The following PDE10A variants were observed in gnomAD, a reference collection of about 807,000 sequenced individuals.
PDE10A encodes cAMP and cAMP-inhibited cGMP 3',5'-cyclic phosphodiesterase 10A.
Under a neutral mutation model 97.7 loss-of-function variants are expected in PDE10A, and 39 were observed. The ratio of observed to expected loss-of-function variants is 0.40; its 90% CI spans 0.31 to 0.52. The LOEUF is 0.52. Among genes scored for constraint, PDE10A ranks in the 20% least tolerant of loss-of-function variants. The probability of loss-of-function intolerance (pLI) is 0.56; values close to 1 mark genes in which losing one functional copy is unlikely to be tolerated. For synonymous variants in PDE10A, 371 were observed against 376.8 expected (o/e 0.98, Z 0.18); for missense variants, 731 against 1,047.8 (o/e 0.70, Z 4.17).
Position 165,413,411 on chromosome 6 carries a change from G to A in PDE10A, c.2076+90C>T, listed in dbSNP as rs200602820. 6.9e-3 allele frequency: 2,568 copies of A among 372,186 alleles called. 1 individual carries two copies. Among genetic ancestry groups the A allele is most frequent in the Non-Finnish European group, 8.3e-3 (1,887 of 226,724 alleles). The allele number at this position is 372,186 out of a possible 1,614,324, so 23.1% of individuals were successfully genotyped here. ...CCTGGTTTGTAAAGGAAATATAAAT[G>A]AAAAAAAAAAAGCCCTTAAGCTGCT... On this transcript the variant is annotated intron_variant, in intron 13 of 21. Coordinates refer to ENST00000539869, the MANE Select transcript of PDE10A (RefSeq NM_001385079.1).
chr6:165,475,831 A>C (rs923829191), intron 3 of PDE10A, among the ~76,000 whole-genome samples: 6 of 152,228 alleles, frequency 3.9e-5, no homozygotes, highest in Non-Finnish European at 5.9e-5. Flanking sequence ...GCTGGGTTAA[A>C]AGGAAAACAA....
At chr6:165,495,936 C>T (rs1780509442) in intron 2 of PDE10A, among the ~76,000 whole-genome samples, 2 of 152,076 alleles carry the variant, frequency 1.3e-5, no homozygotes, top group Non-Finnish European at 2.9e-5. Context: ...TGTCAATAAA[C>T]TTGATAAATA....
chr6:165,374,082 G>A (rs994053487), intron 18 of PDE10A, among the ~76,000 whole-genome samples: 1 of 116,138 alleles, frequency 8.6e-6, no homozygotes, highest in South Asian at 3.6e-4. Context: ...GACTGTTGTG[G>A]GGTGGGGGGA....
intron 1 of PDE10A, among the ~76,000 whole-genome samples, chr6:165,920,569 CTT>C: frequency 1.3e-5 from 2 of 151,676 alleles, no homozygotes; most frequent in South Asian, 4.2e-4. Flanking sequence ...CACACACACA[CTT>C]ACACATACCT....
At chr6:165,339,479 G>T in intron 19 of PDE10A, 121 bp from the exon 20 acceptor site, 1 of 669,930 alleles carries the variant, frequency 1.5e-6, no homozygotes, top group Non-Finnish European at 2.6e-6. Context: ...GTTTGTGGTT[G>T]TTAACCCAAG....
chr6:165,401,090 T>G (rs1786624651), intron 13 of PDE10A, among the ~76,000 whole-genome samples: 1 of 152,166 alleles, frequency 6.6e-6, no homozygotes, highest in African/African-American at 2.4e-5. Flanking sequence ...TTTATTATAC[T>G]GATTATGTTG....
At chr6:165,473,931 A>T (rs746605165) in intron 3 of PDE10A, among the ~76,000 whole-genome samples, 13 of 152,206 alleles carry the variant, frequency 8.5e-5, no homozygotes, top group Non-Finnish European at 1.6e-4. Context: ...TTTTCAAGTC[A>T]TTCACTCAAT....
At chr6:165,360,907 T>C (rs1250400407) in intron 18 of PDE10A, among the ~76,000 whole-genome samples, 2 of 152,078 alleles carry the variant, frequency 1.3e-5, no homozygotes, top group Non-Finnish European at 2.9e-5. Flanking sequence ...CCTTTGAGGA[T>C]CAACATCAAA....
intron 1 of PDE10A, among the ~76,000 whole-genome samples, chr6:165,903,391 T>C (rs1441225724): frequency 6.6e-6 from 1 of 152,188 alleles, no homozygotes; most frequent in Non-Finnish European, 1.5e-5. Flanking sequence ...AGGATTCATT[T>C]TGGAAGGAAA....
intron 1 of PDE10A, among the ~76,000 whole-genome samples, chr6:165,787,277 A>C (rs751791449): frequency 6.6e-6 from 1 of 152,216 alleles, no homozygotes; most frequent in Non-Finnish European, 1.5e-5. Context: ...CCTGAGTGTT[A>C]ATGAATAGTG....
rs1779520314 is a variant in PDE10A, at chr6:165,819,831, A to G, written c.-615+167698T>C. Among the ~76,000 whole-genome samples, 1 of 152,228 alleles carries G rather than the reference A, an allele frequency of 6.6e-6. No homozygotes were observed. Among genetic ancestry groups the G allele is most frequent in the South Asian group, 2.1e-4 (1 of 4,832 alleles). Reference sequence around the variant, plus strand: ...AAGCTTTCCTTAAATGAATACATGAATGAATGATGGACTGAAATCATCATA... The same window carrying G: ...AAGCTTTCCTTAAATGAATACATGAGTGAATGATGGACTGAAATCATCATA... On this transcript the variant is annotated intron_variant, in intron 1 of 19. Coordinates refer to the PDE10A transcript ENST00000366882. This position sits in a 1 kb window ranked among gnomAD's most constrained non-coding sequence, Gnocchi z 4.2.
chr6:165,528,466 A>G (rs558929723), intron 2 of PDE10A, among the ~76,000 whole-genome samples: 11 of 152,174 alleles, frequency 7.2e-5, no homozygotes, highest in Admixed American at 3.3e-4. Flanking sequence ...TAAGCCCTCG[A>G]TATGGCACCA....
At chr6:165,885,149 G>A (rs1781594207) in intron 1 of PDE10A, among the ~76,000 whole-genome samples, 1 of 152,134 alleles carries the variant, frequency 6.6e-6, no homozygotes, top group Admixed American at 6.5e-5. Context: ...TGAACATGAT[G>A]TCTCTTTTTA....
At chr6:165,353,791 T>C (rs1380666984) in intron 18 of PDE10A, among the ~76,000 whole-genome samples, 1 of 152,146 alleles carries the variant, frequency 6.6e-6, no homozygotes, top group Non-Finnish European at 1.5e-5. Flanking sequence ...CTCCATATGA[T>C]ACTAAAATGG....
intron 1 of PDE10A, among the ~76,000 whole-genome samples, chr6:165,623,597 T>C (rs1398800078): frequency 1.3e-5 from 2 of 152,094 alleles, no homozygotes; most frequent in Non-Finnish European, 1.5e-5. Context: ...ACAAAATTAT[T>C]CCTATATTTT....
At chr6:165,425,550 C>T (rs2128235111) in intron 10 of PDE10A, among the ~76,000 whole-genome samples, 1 of 152,078 alleles carries the variant, frequency 6.6e-6, no homozygotes, top group African/African-American at 2.4e-5. Flanking sequence ...CTGATAAAGG[C>T]CCTCTATGAA....
chr6:165,341,286 A>G (rs1345527157), intron 19 of PDE10A, among the ~76,000 whole-genome samples: 1 of 152,218 alleles, frequency 6.6e-6, no homozygotes, highest in East Asian at 1.9e-4. Context: ...ACCAGTGAAT[A>G]ATATAAAGGA....
chr6:165,474,565 C>A (rs221723), intron 3 of PDE10A, among the ~76,000 whole-genome samples: 93,569 of 151,902 alleles, frequency 0.62, 29,209 homozygotes, highest in Admixed American at 0.71. Context: ...GGGTGATGAA[C>A]TAATCTTTAC....
chr6:165,532,849 C>T (rs907779811), intron 2 of PDE10A, among the ~76,000 whole-genome samples: 6 of 152,132 alleles, frequency 3.9e-5, no homozygotes, highest in African/African-American at 1.4e-4. Flanking sequence ...TAAATCTACA[C>T]CATCCCATTT....
Sources: gnomAD v4.1 joint callset for allele counts (sites outside exome capture counted in the v4.1 genomes callset) on GRCh38, gnomAD v4.1.1 for gene constraint, Gnocchi (gnomAD v3.1) non-coding constraint, MANE v1.5 for transcripts, NCBI Gene and HGNC (gene_info 2026-07-23, HGNC 2026-07-21) for gene names.